Variants in MYRIP observed in about 807,000 individuals in gnomAD.
MYRIP encodes the protein rab effector MyRIP.
In MYRIP, 49 loss-of-function variants were observed where a neutral mutation model predicts 98.0. The observed-to-expected ratio is 0.50, with a 90% CI of 0.40 to 0.63. The LOEUF (loss-of-function observed/expected upper bound fraction) is 0.63, where lower values mean the gene tolerates loss of function less well. MYRIP is among the 30% of genes least tolerant of loss of function. The pLI is 0.00. For missense variants in MYRIP, 1,004 were observed against 1,058.2 expected, an observed-to-expected ratio of 0.95 and a Z score of 0.71; for synonymous variants, 404 against 409.5, an observed-to-expected ratio of 0.99 and a Z score of 0.16.
At chr3:40,244,722 T>A in intron 13 of MYRIP, 115 bp downstream of exon 13, 1 of 1,169,628 alleles carries the variant, frequency 8.5e-7, no homozygotes, top group Non-Finnish European at 1.2e-6. Flanking sequence ...ATCTCCAGCA[T>A]GTTTGCGTGG....
chr3:40,157,056 C>T (rs1438720835), intron 4 of MYRIP, among the ~76,000 whole-genome samples: 10 of 151,072 alleles, frequency 6.6e-5, no homozygotes, highest in Non-Finnish European at 1.3e-4. Context: ...TGAGAGAGGG[C>T]ATCCCTGTCT....
intron 2 of MYRIP, among the ~76,000 whole-genome samples, chr3:39,962,950 T>C (rs1021407349): frequency 1.3e-5 from 2 of 152,150 alleles, no homozygotes; most frequent in Non-Finnish European, 2.9e-5. Flanking sequence ...TTTCAAGTTC[T>C]CATACATCGG....
At chr3:39,848,207 A>G (rs1321763926) in intron 1 of MYRIP, among the ~76,000 whole-genome samples, 1 of 152,194 alleles carries the variant, frequency 6.6e-6, no homozygotes, top group East Asian at 1.9e-4. Flanking sequence ...CCTACTCAGC[A>G]TCATTTAAAT....
intron 16 of MYRIP, 66 bp from the exon 17 acceptor site, chr3:40,258,068 T>C (rs1428965797): frequency 3.2e-6 from 5 of 1,561,382 alleles, no homozygotes; most frequent in African/African-American, 2.7e-5. Context: ...GTAAACATTA[T>C]TTTTCATTGC....
intron 2 of MYRIP, among the ~76,000 whole-genome samples, chr3:39,979,229 C>T (rs1945824463): frequency 6.6e-6 from 1 of 152,154 alleles, no homozygotes; most frequent in Non-Finnish European, 1.5e-5. Flanking sequence ...AAGCAATCAT[C>T]CTGCCTCAGC....
chr3:40,178,044 CT>C (rs1336656752), intron 8 of MYRIP, among the ~76,000 whole-genome samples: 9 of 152,228 alleles, frequency 5.9e-5, no homozygotes, highest in African/African-American at 2.2e-4. Context: ...CAAAGCAAAG[CT>C]GTGTCTCAGT....
intron 3 of MYRIP, among the ~76,000 whole-genome samples, chr3:40,050,343 A>G (rs1343474043): frequency 3.3e-5 from 5 of 152,156 alleles, no homozygotes; most frequent in Admixed American, 2.6e-4. Flanking sequence ...CTTAAAAGGT[A>G]TGCTAAATTT....
intron 1 of MYRIP, among the ~76,000 whole-genome samples, chr3:39,831,349 G>T (rs1291323103): frequency 2.6e-5 from 4 of 152,042 alleles, no homozygotes; most frequent in Non-Finnish European, 5.9e-5. Flanking sequence ...CCCTGGATGT[G>T]CAATAAATAT....
intron 11 of MYRIP, among the ~76,000 whole-genome samples, chr3:40,228,052 CTG>C (rs545972604): frequency 1.5e-3 from 224 of 152,330 alleles, no homozygotes; most frequent in Non-Finnish European, 2.3e-3. Flanking sequence ...TTGTCTCCCT[CTG>C]TTATTTTGGG....
chr3:39,814,254 AT>A (rs1940800770), intron 1 of MYRIP, among the ~76,000 whole-genome samples: 1 of 152,190 alleles, frequency 6.6e-6, no homozygotes, highest in Non-Finnish European at 1.5e-5. Context: ...GTATTCCCAT[AT>A]CTTTGGCTGT....
chr3:40,049,239 A>G (rs1226506922), intron 3 of MYRIP, among the ~76,000 whole-genome samples: 1 of 152,102 alleles, frequency 6.6e-6, no homozygotes, highest in Non-Finnish European at 1.5e-5. Context: ...ATTTTTTACA[A>G]ATTGAAGGTT....
chr3:40,138,934 A>C (rs370916020), intron 3 of MYRIP, among the ~76,000 whole-genome samples: 33 of 152,262 alleles, frequency 2.2e-4, no homozygotes, highest in African/African-American at 7.9e-4. Context: ...ATCTAGCTGT[A>C]ATTTTGTATC....
At chr3:39,832,644 C>G (rs1941485098) in intron 1 of MYRIP, among the ~76,000 whole-genome samples, 1 of 152,108 alleles carries the variant, frequency 6.6e-6, no homozygotes, top group Admixed American at 6.6e-5. Flanking sequence ...AGACTTTATA[C>G]AGTTGTTTAG....
chr3:40,098,609 C>T (rs1240685896), intron 3 of MYRIP, among the ~76,000 whole-genome samples: 1 of 152,118 alleles, frequency 6.6e-6, no homozygotes, highest in Non-Finnish European at 1.5e-5. Flanking sequence ...TGCTACCAAC[C>T]TCTTCACAAT....
At chr3:40,098,064 A>T (rs1348708026) in intron 3 of MYRIP, among the ~76,000 whole-genome samples, 1 of 152,194 alleles carries the variant, frequency 6.6e-6, no homozygotes, top group African/African-American at 2.4e-5. Flanking sequence ...CAAAATGAAA[A>T]GTCAGAATGG....
intron 2 of MYRIP, among the ~76,000 whole-genome samples, chr3:39,935,629 G>A (rs2125704109): frequency 6.6e-6 from 1 of 152,164 alleles, no homozygotes; most frequent in Admixed American, 6.6e-5. Flanking sequence ...AAAATCAGTA[G>A]AAACATCATG....
chr3:40,183,986 A>G (rs1230873439), intron 9 of MYRIP, among the ~76,000 whole-genome samples: 1 of 152,250 alleles, frequency 6.6e-6, no homozygotes, highest in Non-Finnish European at 1.5e-5. Flanking sequence ...TTATTTTTAT[A>G]TTAACCTTTT....
chr3:40,191,415 C>A (rs1951206266), intron 10 of MYRIP, among the ~76,000 whole-genome samples: 1 of 152,202 alleles, frequency 6.6e-6, no homozygotes, highest in South Asian at 2.1e-4. Flanking sequence ...CAACTCAATA[C>A]CAAACCTTGT....
chr3:40,067,763 G>GGTC (rs1445345022), intron 3 of MYRIP, among the ~76,000 whole-genome samples: 2 of 151,724 alleles, frequency 1.3e-5, no homozygotes, highest in Non-Finnish European at 2.9e-5. Context: ...TCTAAGAGAT[G>GGTC]GTAACATTTT....
Sources: gnomAD v4.1 joint callset for allele counts (sites outside exome capture counted in the v4.1 genomes callset) on GRCh38, gnomAD v4.1.1 for gene constraint, MANE v1.5 for transcripts, NCBI Gene and HGNC (gene_info 2026-07-23, HGNC 2026-07-21) for gene names.